The following PRXL2A variants were observed in gnomAD, a reference collection of about 807,000 sequenced individuals.
The protein encoded by PRXL2A is peroxiredoxin like 2A.
A neutral mutation model predicts 25.6 loss-of-function variants in PRXL2A; 26 were observed. The ratio of observed to expected loss-of-function variants is 1.02; its 90% CI spans 0.74 to 1.41. The LOEUF is 1.41. PRXL2A is among the 40% of genes most tolerant of loss of function. The pLI is 0.00. For synonymous variants in PRXL2A, 98 were observed against 102.9 expected (o/e 0.95, Z 0.29); for missense variants, 246 against 273.9 (o/e 0.90, Z 0.72).
intron 1 of PRXL2A, among the ~76,000 whole-genome samples, chr10:80,416,339 A>G (rs746809716): frequency 5.9e-5 from 9 of 152,212 alleles, no homozygotes; most frequent in Non-Finnish European, 1.0e-4. Context: ...GCGCTGTGCT[A>G]GGTATGAGAG....
chr10:80,430,149 G>A (rs1355631998), intron 5 of PRXL2A, among the ~76,000 whole-genome samples: 1 of 139,822 alleles, frequency 7.2e-6, no homozygotes, highest in Admixed American at 7.5e-5. Flanking sequence ...TGCCCAGGCT[G>A]GAGTGCAATG....
intron 1 of PRXL2A, among the ~76,000 whole-genome samples, chr10:80,416,275 C>T (rs980430351): frequency 1.3e-5 from 2 of 152,202 alleles, no homozygotes; most frequent in African/African-American, 4.8e-5. Flanking sequence ...TAATTCAATT[C>T]TGTTGAATTC....
intron 1 of PRXL2A, chr10:80,413,989 A>G: frequency 1.9e-6 from 1 of 538,516 alleles, no homozygotes; most frequent in Non-Finnish European, 2.5e-6. Context: ...TGGAAACTGA[A>G]TTTGGGGCGG....
At chr10:80,423,409 T>C (rs1844932548) in intron 3 of PRXL2A, among the ~76,000 whole-genome samples, 1 of 152,230 alleles carries the variant, frequency 6.6e-6, no homozygotes, top group Non-Finnish European at 1.5e-5. Context: ...AAACTGGGAA[T>C]GACAGTATTC....
In PRXL2A at chr10:80,427,555, C is replaced by T. The variant is rs973908701; in HGVS notation, c.576+59C>T. ...TGTCTGTGTCTGTGAGTGTGAGACT[C>T]CAACCAGAAGCTGGAGTGGGGGTTG... On this transcript the variant is annotated intron_variant, in intron 5 of 5. Transcript: ENST00000606162. The T allele has an allele frequency of 5.1e-6, 8 of 1,566,672 alleles. No individual in the cohort carries two copies. The African/African-American group carries it at 8.2e-5, about 16-fold the overall frequency.
chr10:80,425,562 C>T (rs1011185528), intron 3 of PRXL2A, among the ~76,000 whole-genome samples: 1 of 152,134 alleles, frequency 6.6e-6, no homozygotes, highest in Admixed American at 6.6e-5. Flanking sequence ...TAGGGTTGAG[C>T]TGAAGAGAGA....
intron 1 of PRXL2A, among the ~76,000 whole-genome samples, chr10:80,419,298 C>CTT (rs11423912): frequency 7.0e-4 from 90 of 129,162 alleles, no homozygotes; most frequent in Admixed American, 2.4e-3. Flanking sequence ...CTTCCTCTTT[C>CTT]TTTTTTTTTT....
At chr10:80,410,264 C>T (rs1303779143) in intron 1 of PRXL2A, among the ~76,000 whole-genome samples, 1 of 152,266 alleles carries the variant, frequency 6.6e-6, no homozygotes, top group African/African-American at 2.4e-5. Flanking sequence ...GAGAGCCAGC[C>T]TCACCTTTGA....
chr10:80,425,798 C>T, intron 3 of PRXL2A, 68 bp from the exon 4 acceptor site: 1 of 1,595,470 alleles, frequency 6.3e-7, no homozygotes, highest in Non-Finnish European at 8.6e-7. Flanking sequence ...CAGAGGGAAC[C>T]TGACACCCTA....
chr10:80,411,189 G>A (rs752655258), intron 1 of PRXL2A, among the ~76,000 whole-genome samples: 4 of 152,356 alleles, frequency 2.6e-5, no homozygotes, highest in Admixed American at 2.6e-4. Flanking sequence ...TGCTAGACAA[G>A]GATGGACAGA....
chr10:80,417,986 G>A (rs1372657255), intron 1 of PRXL2A, among the ~76,000 whole-genome samples: 1 of 151,392 alleles, frequency 6.6e-6, no homozygotes, highest in African/African-American at 2.4e-5. Context: ...AGGATTACAG[G>A]CAGGAGCCAC....
At chr10:80,416,526 A>T (rs1424104266) in intron 1 of PRXL2A, among the ~76,000 whole-genome samples, 4 of 152,180 alleles carry the variant, frequency 2.6e-5, no homozygotes, top group Non-Finnish European at 5.9e-5. Flanking sequence ...CTGGCAGAAC[A>T]TCAGGGAAGC....
chr10:80,427,403 C>G lies in PRXL2A; in HGVS notation c.483C>G (p.Asn161Lys), dbSNP rs750793678. The G allele has an allele frequency of 2.5e-6, 4 of 1,614,160 alleles. No homozygotes were observed. Among genetic ancestry groups the G allele is most frequent in the Non-Finnish European group, 3.4e-6 (4 of 1,180,030 alleles). ...MGFIRLGVWY[N>K]FFRAWNGGFS... ...TTATCCGTCTGGGAGTGTGGTACAA[C>G]TTCTTCCGAGCCTGGAACGGAGGCT... Residue 161 changes from asparagine to lysine, a missense_variant, in exon 5 of 6, where the codon AAC becomes AAG. Asn to Lys is a moderately conservative substitution (Grantham distance 94). Coordinates refer to ENST00000606162, the MANE Select transcript of PRXL2A (RefSeq NM_032333.5).
intron 5 of PRXL2A, among the ~76,000 whole-genome samples, chr10:80,430,496 G>C (rs1362031644): frequency 6.6e-6 from 1 of 152,136 alleles, no homozygotes; most frequent in Non-Finnish European, 1.5e-5. Flanking sequence ...GAATAAAAAA[G>C]TTTAGCCGGC....
chr10:80,420,296 G>C, intron 1 of PRXL2A, 170 bp from the exon 2 acceptor site: 3 of 1,355,894 alleles, frequency 2.2e-6, no homozygotes, highest in Non-Finnish European at 2.8e-6. Flanking sequence ...CCAAGTTCTG[G>C]TGGCAGCAGG....
intron 1 of PRXL2A, among the ~76,000 whole-genome samples, chr10:80,414,737 G>A (rs1242815409): frequency 6.6e-6 from 1 of 152,168 alleles, no homozygotes; most frequent in African/African-American, 2.4e-5. Flanking sequence ...CTGAACCTCA[G>A]TGTTAGCTGC....
At position 80,435,349 on chromosome 10, in the gene PRXL2A, T is replaced by C. The variant is rs1019543755; in HGVS notation, c.*3250T>C. The C allele has an allele frequency of 6.6e-6, 1 of 152,218 alleles. No homozygotes were observed. Among genetic ancestry groups the C allele is most frequent in the Non-Finnish European group, 1.5e-5 (1 of 68,048 alleles). 9.4% of individuals were successfully genotyped at this position (152,218 alleles called of 1,614,324 possible). On this transcript the variant is annotated 3_prime_UTR_variant, in exon 6 of 6. Coordinates refer to ENST00000606162, the MANE Select transcript of PRXL2A (RefSeq NM_032333.5). ...TTATCCCTGAGACAGGGCCTTGAGC[T>C]GCTAGAAACTATGCTAGTGTTTGTT...
intron 1 of PRXL2A, among the ~76,000 whole-genome samples, chr10:80,418,948 C>T (rs1844760866): frequency 6.6e-6 from 1 of 152,118 alleles, no homozygotes; most frequent in South Asian, 2.1e-4. Flanking sequence ...TTTTGCCCAG[C>T]CTCCTCTGCA....
At chr10:80,410,842 A>G (rs1844457534) in intron 1 of PRXL2A, among the ~76,000 whole-genome samples, 1 of 152,154 alleles carries the variant, frequency 6.6e-6, no homozygotes, top group South Asian at 2.1e-4. Flanking sequence ...TGAGATTAGA[A>G]TGGCTTGCTC....
Sources: gnomAD v4.1 joint callset for allele counts (sites outside exome capture counted in the v4.1 genomes callset) on GRCh38, gnomAD v4.1.1 for gene constraint, MANE v1.5 for transcripts, NCBI Gene and HGNC (gene_info 2026-07-23, HGNC 2026-07-21) for gene names.